DLG2: variants seen among roughly 807,000 people sequenced by gnomAD.
The protein encoded by DLG2 is disks large homolog 2.
Under a neutral mutation model 132.5 loss-of-function variants are expected in DLG2, and 45 were observed. That is an observed-to-expected ratio of 0.34 (90% CI 0.27 to 0.44). The LOEUF (loss-of-function observed/expected upper bound fraction) is 0.44. Ranked by LOEUF, DLG2 falls within the 20% of genes least tolerant of loss-of-function variation. DLG2 has a pLI of 1.00. For missense variants in DLG2, 1,045 were observed against 1,196.9 expected (o/e 0.87, Z 1.87); for synonymous variants, 424 against 419.6 (o/e 1.01, Z -0.13).
At chr11:83,578,536 AG>A (rs903612626) in intron 19 of DLG2, among the ~76,000 whole-genome samples, 1 of 152,160 alleles carries the variant, frequency 6.6e-6, no homozygotes, top group Non-Finnish European at 1.5e-5. Flanking sequence ...TTAAATTCAA[AG>A]GTACAACTAG....
intron 6 of DLG2, among the ~76,000 whole-genome samples, chr11:84,995,539 C>T (rs539880314): frequency 1.3e-5 from 2 of 152,260 alleles, no homozygotes; most frequent in Non-Finnish European, 2.9e-5. Flanking sequence ...CTTCTTGTTG[C>T]CACTTCAACT....
intron 3 of DLG2, among the ~76,000 whole-genome samples, chr11:85,302,775 G>A (rs2079679371): frequency 6.6e-6 from 1 of 151,984 alleles, no homozygotes; most frequent in South Asian, 2.1e-4. Flanking sequence ...GGATATAGGA[G>A]AATAACCTGG....
intron 18 of DLG2, among the ~76,000 whole-genome samples, chr11:83,640,603 G>A (rs2066217351): frequency 1.3e-5 from 2 of 152,096 alleles, no homozygotes; most frequent in African/African-American, 4.8e-5. Context: ...CTAATTGCTG[G>A]GGATACCGAA....
chr11:84,062,438 C>T (rs12577433), intron 10 of DLG2, among the ~76,000 whole-genome samples: 1 of 152,070 alleles, frequency 6.6e-6, no homozygotes, highest in Non-Finnish European at 1.5e-5. Flanking sequence ...TACCATAGAT[C>T]TGAAAGTTCT....
intron 7 of DLG2, among the ~76,000 whole-genome samples, chr11:84,441,696 T>C (rs1323200273): frequency 6.6e-6 from 1 of 152,200 alleles, no homozygotes; most frequent in Non-Finnish European, 1.5e-5. Context: ...TGAGTATTAC[T>C]ACATGTCAAA....
At chr11:83,736,814 A>C (rs1348600536) in intron 18 of DLG2, among the ~76,000 whole-genome samples, 1 of 152,228 alleles carries the variant, frequency 6.6e-6, no homozygotes, top group Non-Finnish European at 1.5e-5. Flanking sequence ...ACAATAATTT[A>C]AGGGTGAATC....
At chr11:83,663,813 A>C (rs2074924864) in intron 18 of DLG2, among the ~76,000 whole-genome samples, 1 of 152,244 alleles carries the variant, frequency 6.6e-6, no homozygotes, top group Non-Finnish European at 1.5e-5. Context: ...TGGAAGCCTC[A>C]GTTGTCAAGG....
chr11:85,134,352 A>AC (rs1285297344), intron 5 of DLG2, among the ~76,000 whole-genome samples: 9 of 149,642 alleles, frequency 6.0e-5, no homozygotes, highest in Non-Finnish European at 1.2e-4. Context: ...AAACGGTGAA[A>AC]CCCCGTCTCT....
intron 4 of DLG2, among the ~76,000 whole-genome samples, chr11:85,204,296 C>T (rs1182579286): frequency 6.6e-6 from 1 of 152,118 alleles, no homozygotes; most frequent in African/African-American, 2.4e-5. Context: ...AACCTAAACA[C>T]TTTAGCAGAA....
intron 4 of DLG2, among the ~76,000 whole-genome samples, chr11:85,168,915 T>C (rs2078649873): frequency 6.6e-6 from 1 of 152,072 alleles, no homozygotes; most frequent in South Asian, 2.1e-4. Flanking sequence ...ACTAACAGAA[T>C]TTTTTTCAGG....
At chr11:85,589,991 C>G (rs1260647068) in intron 3 of DLG2, among the ~76,000 whole-genome samples, 1 of 152,042 alleles carries the variant, frequency 6.6e-6, no homozygotes, top group Non-Finnish European at 1.5e-5. Context: ...TTGATCAGCT[C>G]AAGAAACTTC....
chr11:85,127,805 A>T (rs565327520), intron 5 of DLG2, among the ~76,000 whole-genome samples: 1 of 152,194 alleles, frequency 6.6e-6, no homozygotes, highest in South Asian at 2.1e-4. Flanking sequence ...GCTTTTCCAA[A>T]TACCTTATTT....
In DLG2 at chr11:83,717,599, G is replaced by A. The variant is rs147354417; in HGVS notation, c.1825+69091C>T. On this transcript the variant is annotated intron_variant, in intron 18 of 27. Coordinates refer to ENST00000376104, the MANE Select transcript of DLG2 (RefSeq NM_001142699.3). ...ACAGCCCACAGGCTAATTGACTATA[G>A]CTGTCACGACAGTTGATTACAGTGT... 8.9e-4 allele frequency among the ~76,000 whole-genome samples: 136 copies of A among 152,326 alleles called. 1 individual carries two copies. Among genetic ancestry groups the A allele is most frequent in the South Asian group, 8.7e-3 (42 of 4,826 alleles).
chr11:84,224,860 C>G (rs1409612214), intron 8 of DLG2, among the ~76,000 whole-genome samples: 1 of 152,168 alleles, frequency 6.6e-6, no homozygotes, highest in Non-Finnish European at 1.5e-5. Flanking sequence ...TTTCATGTAT[C>G]TGATCTTTCT....
intron 7 of DLG2, among the ~76,000 whole-genome samples, chr11:84,390,886 G>A (rs543455657): frequency 2.6e-5 from 4 of 152,264 alleles, no homozygotes; most frequent in Admixed American, 2.0e-4. Flanking sequence ...GGGCAGCAGC[G>A]CTCCTTCCTC....
intron 6 of DLG2, among the ~76,000 whole-genome samples, chr11:85,090,740 A>G (rs1163496177): frequency 1.3e-5 from 2 of 152,256 alleles, no homozygotes; most frequent in Non-Finnish European, 2.9e-5. Context: ...TAAAGCAATT[A>G]TCACCAAAAA....
At chr11:85,028,927 T>G (rs1387670793) in intron 6 of DLG2, among the ~76,000 whole-genome samples, 2 of 152,160 alleles carry the variant, frequency 1.3e-5, no homozygotes, top group East Asian at 3.9e-4. Context: ...CCTACCCCGC[T>G]GCAGTTGGCG....
At chr11:85,184,645 A>G (rs1211177916) in intron 4 of DLG2, among the ~76,000 whole-genome samples, 1 of 151,914 alleles carries the variant, frequency 6.6e-6, no homozygotes, top group Non-Finnish European at 1.5e-5. Flanking sequence ...ATCATTAGCC[A>G]TCTTCCATGT....
chr11:84,545,327 C>T, intron 6 of DLG2: 1 of 516,180 alleles, frequency 1.9e-6, no homozygotes, highest in South Asian at 1.5e-5. Context: ...CTTCCTTCAC[C>T]TCTAAAACTG....
Sources: gnomAD v4.1 joint callset for allele counts (sites outside exome capture counted in the v4.1 genomes callset) on GRCh38, gnomAD v4.1.1 for gene constraint, MANE v1.5 for transcripts, NCBI Gene and HGNC (gene_info 2026-07-23, HGNC 2026-07-21) for gene names.